The following USH2A variants were observed in gnomAD, a reference collection of about 807,000 sequenced individuals.
The protein encoded by USH2A is Usher syndrome 2A (autosomal recessive, mild).
A neutral mutation model predicts 538.9 loss-of-function variants in USH2A; 443 were observed. The observed-to-expected ratio is 0.82, with a 90% CI of 0.76 to 0.89. USH2A has a LOEUF of 0.89. Ranked by LOEUF, USH2A falls within the 40% of genes least tolerant of loss-of-function variation. The pLI, the probability that USH2A is intolerant of heterozygous loss-of-function variation, is 0.00. For missense variants in USH2A, 6,633 were observed against 6,324.8 expected (o/e 1.05, Z -1.65); for synonymous variants, 2,413 against 2,273.5 (o/e 1.06, Z -1.75).
At chr1:216,244,823 T>C (rs1279807589) in intron 13 of USH2A, among the ~76,000 whole-genome samples, 2 of 152,198 alleles carry the variant, frequency 1.3e-5, no homozygotes, top group African/African-American at 4.8e-5. Context: ...TCAGAGTTTT[T>C]CCAAAATCAG....
At chr1:216,401,668 T>C (rs2039307607) in intron 3 of USH2A, among the ~76,000 whole-genome samples, 1 of 152,020 alleles carries the variant, frequency 6.6e-6, no homozygotes. Context: ...TCAAATAGCA[T>C]AGATTTCAGA....
chr1:215,933,790 G>A (rs1666423054), intron 38 of USH2A, among the ~76,000 whole-genome samples: 1 of 151,920 alleles, frequency 6.6e-6, no homozygotes, highest in Non-Finnish European at 1.5e-5. Flanking sequence ...GATGCTGGAT[G>A]TCCTGGGGTC....
At chr1:215,729,821 T>C (rs1659940367) in intron 60 of USH2A, among the ~76,000 whole-genome samples, 1 of 152,126 alleles carries the variant, frequency 6.6e-6, no homozygotes. Context: ...TTTGTAGAGA[T>C]GAGGTCTTGC....
intron 38 of USH2A, 125 bp from the exon 39 acceptor site, chr1:215,901,030 C>G: frequency 8.6e-7 from 1 of 1,167,700 alleles, no homozygotes; most frequent in Non-Finnish European, 1.2e-6. Flanking sequence ...TAAACATGGT[C>G]CATTTAATTT....
At chr1:216,286,017 G>A (rs2036876198) in intron 11 of USH2A, among the ~76,000 whole-genome samples, 1 of 152,126 alleles carries the variant, frequency 6.6e-6, no homozygotes, top group Admixed American at 6.5e-5. Context: ...TGCCTCAGAT[G>A]AGACTTTGGA....
chr1:216,097,092 A>T lies in USH2A; in HGVS notation c.4749T>A (p.Phe1583Leu). Reference sequence around the variant, plus strand: ...ATGATTTCTCATTTACCTGAGGATCAAAAAGAAAATAAAGACGTCCCTTCT... The same window carrying T: ...ATGATTTCTCATTTACCTGAGGATCTAAAAGAAAATAAAGACGTCCCTTCT... ...QLKKGRLYFL[F>L]DPQGSPVEVT... The change falls in exon 22 of 72, where the codon TTT becomes TTA. Residue 1583 changes from phenylalanine to leucine, a missense_variant. Transcript: ENST00000307340. 2 of 1,613,920 alleles carry T rather than the reference A, an allele frequency of 1.2e-6. No individual in the cohort carries two copies. Among genetic ancestry groups the T allele is most frequent in the Non-Finnish European group, 1.7e-6 (2 of 1,179,930 alleles).
chr1:216,275,983 A>T (rs1182177422), intron 11 of USH2A, among the ~76,000 whole-genome samples: 1 of 152,154 alleles, frequency 6.6e-6, no homozygotes, highest in Non-Finnish European at 1.5e-5. Flanking sequence ...GCTGAACACT[A>T]TGCTGAGTGC....
chr1:216,099,412 T>C (rs1371071992), intron 21 of USH2A, among the ~76,000 whole-genome samples: 1 of 151,986 alleles, frequency 6.6e-6, no homozygotes, highest in Non-Finnish European at 1.5e-5. Context: ...CTCTCTCATC[T>C]CCCCTATTAA....
intron 38 of USH2A, among the ~76,000 whole-genome samples, chr1:215,908,662 A>G (rs1185264893): frequency 1.3e-5 from 2 of 151,916 alleles, no homozygotes; most frequent in Admixed American, 1.3e-4. Flanking sequence ...ATTATTTAGT[A>G]AACTTTATTT....
intron 43 of USH2A, among the ~76,000 whole-genome samples, chr1:215,867,628 C>T (rs1403132742): frequency 2.0e-5 from 3 of 152,272 alleles, no homozygotes; most frequent in East Asian, 3.9e-4. Context: ...CATTTTCTTC[C>T]GATACCTATG....
chr1:215,672,763 T>C (rs1170579969), intron 63 of USH2A, among the ~76,000 whole-genome samples: 1 of 152,230 alleles, frequency 6.6e-6, no homozygotes, highest in East Asian at 1.9e-4. Context: ...TCCAACTTCA[T>C]ATAGAAGTGA....
At chr1:216,418,373 T>C in intron 3 of USH2A, 141 bp downstream of exon 3, 1 of 897,236 alleles carries the variant, frequency 1.1e-6, no homozygotes, top group African/African-American at 1.7e-5. Context: ...TAAATATTTT[T>C]CTTCTTTAGT....
At chr1:216,306,126 C>A (rs994328306) in intron 9 of USH2A, among the ~76,000 whole-genome samples, 1 of 152,088 alleles carries the variant, frequency 6.6e-6, no homozygotes, top group African/African-American at 2.4e-5. Flanking sequence ...TTAGATTTCT[C>A]TTCTTCCTTG....
chr1:215,633,598 A>G (rs1228889372), intron 70 of USH2A, among the ~76,000 whole-genome samples: 1 of 152,136 alleles, frequency 6.6e-6, no homozygotes, highest in Non-Finnish European at 1.5e-5. Context: ...TTCTGTGCTT[A>G]ATTTTAGTAC....
At chr1:216,404,383 C>T (rs1264003566) in intron 3 of USH2A, among the ~76,000 whole-genome samples, 1 of 151,994 alleles carries the variant, frequency 6.6e-6, no homozygotes, top group African/African-American at 2.4e-5. Context: ...GAAGGAGTCG[C>T]TCTACTAGAT....
chr1:216,066,369 G>C lies in USH2A; in HGVS notation c.6049+3732C>G, dbSNP rs181408691. Among the ~76,000 whole-genome samples, 353 of 152,194 alleles carry C rather than the reference G, an allele frequency of 2.3e-3. 14 individuals are homozygous for C. The South Asian group carries it at 0.056, about 24-fold the overall frequency. ...TAGTCCCAGCTACTGGGGAGGCTGA[G>C]GCAAGAGAATGGCGTAAACCTGGGA... On this transcript the variant is annotated intron_variant, in intron 30 of 71. Transcript: ENST00000307340.
intron 21 of USH2A, among the ~76,000 whole-genome samples, chr1:216,125,490 G>T (rs1055338929): frequency 6.6e-6 from 1 of 152,152 alleles, no homozygotes; most frequent in Admixed American, 6.6e-5. Flanking sequence ...CAAAATGAAG[G>T]AGGACCACTA....
intron 32 of USH2A, among the ~76,000 whole-genome samples, chr1:216,033,286 T>C (rs187692118): frequency 6.6e-6 from 1 of 152,298 alleles, no homozygotes; most frequent in Non-Finnish European, 1.5e-5. Flanking sequence ...AACTATCATC[T>C]CTCTGTATGT....
intron 32 of USH2A, among the ~76,000 whole-genome samples, chr1:216,035,968 T>C (rs539531645): frequency 9.2e-5 from 14 of 152,130 alleles, no homozygotes; most frequent in Non-Finnish European, 1.3e-4. Context: ...TATTGCAAGA[T>C]AGAATGTGTC....
Sources: gnomAD v4.1 joint callset for allele counts (sites outside exome capture counted in the v4.1 genomes callset) on GRCh38, gnomAD v4.1.1 for gene constraint, MANE v1.5 for transcripts, NCBI Gene and HGNC (gene_info 2026-07-23, HGNC 2026-07-21) for gene names.